Variants in FBN2 observed in about 807,000 individuals in gnomAD.
FBN2 encodes the protein fibrillin-2.
In FBN2, 105 loss-of-function variants were observed where a neutral mutation model predicts 355.6. That is an observed-to-expected ratio of 0.30 (90% CI 0.25 to 0.35). The LOEUF is 0.35. Among genes scored for constraint, FBN2 ranks in the 10% least tolerant of loss-of-function variants. FBN2 has a pLI of 1.00. For missense variants in FBN2, 3,280 were observed against 3,758.7 expected (o/e 0.87, Z 3.33); for synonymous variants, 1,350 against 1,301.2 (o/e 1.04, Z -0.81).
At chr5:128,474,010 C>T (rs1754944179) in intron 5 of FBN2, among the ~76,000 whole-genome samples, 1 of 152,152 alleles carries the variant, frequency 6.6e-6, no homozygotes, top group African/African-American at 2.4e-5. Flanking sequence ...CATCAAAGGG[C>T]ATTTTAAGAA....
chr5:128,267,817 T>A (rs1226904462), intron 62 of FBN2, among the ~76,000 whole-genome samples: 1 of 152,148 alleles, frequency 6.6e-6, no homozygotes, highest in African/African-American at 2.4e-5. Flanking sequence ...AGAAGCTCTT[T>A]AGTTCTTTGA....
At chr5:128,274,098 A>G in intron 60 of FBN2, 130 bp from the exon 61 acceptor site, 3 of 1,008,192 alleles carry the variant, frequency 3.0e-6, no homozygotes, top group Non-Finnish European at 4.6e-6. Context: ...GGGAAAATTT[A>G]TACCAAAATT....
chr5:128,275,439 A>G (rs1765368317), intron 59 of FBN2, among the ~76,000 whole-genome samples: 1 of 104,172 alleles, frequency 9.6e-6, no homozygotes, highest in Admixed American at 1.0e-4. Flanking sequence ...GGTGCTTGCT[A>G]TTATTTTTTT....
chr5:128,450,335 A>G (rs1352907464), intron 6 of FBN2, among the ~76,000 whole-genome samples: 1 of 152,152 alleles, frequency 6.6e-6, no homozygotes, highest in Non-Finnish European at 1.5e-5. Flanking sequence ...AATCCAAAAT[A>G]TGTTCTCCAA....
intron 15 of FBN2, among the ~76,000 whole-genome samples, chr5:128,370,378 A>G (rs1412126855): frequency 6.6e-6 from 1 of 152,168 alleles, no homozygotes; most frequent in African/African-American, 2.4e-5. Context: ...CAAAATGGCC[A>G]TCCAATAATT....
At chr5:128,296,614 T>C (rs1259120013) in intron 48 of FBN2, among the ~76,000 whole-genome samples, 2 of 152,110 alleles carry the variant, frequency 1.3e-5, no homozygotes, top group Non-Finnish European at 2.9e-5. Context: ...GATTTTCTAG[T>C]TTATTTGTGT....
intron 55 of FBN2, among the ~76,000 whole-genome samples, chr5:128,286,403 T>G (rs1266658752): frequency 6.6e-6 from 1 of 152,196 alleles, no homozygotes; most frequent in Non-Finnish European, 1.5e-5. Flanking sequence ...TGAATTAGGG[T>G]TTACCTTTTT....
At chr5:128,323,752 AT>A (rs1300882442) in intron 34 of FBN2, among the ~76,000 whole-genome samples, 19 of 151,926 alleles carry the variant, frequency 1.3e-4, no homozygotes, top group Non-Finnish European at 1.5e-5. Flanking sequence ...TTGAAATTTT[AT>A]TTTTTTGTTG....
At chr5:128,262,870 T>C (rs1445605143) in intron 63 of FBN2, among the ~76,000 whole-genome samples, 2 of 152,198 alleles carry the variant, frequency 1.3e-5, no homozygotes, top group Non-Finnish European at 2.9e-5. Context: ...CCATGGAACT[T>C]GAGACAGTGC....
At chr5:128,264,666 A>G (rs1561737001) in intron 62 of FBN2, among the ~76,000 whole-genome samples, 1 of 152,150 alleles carries the variant, frequency 6.6e-6, no homozygotes, top group Non-Finnish European at 1.5e-5. Flanking sequence ...CATCTGTTCC[A>G]TGGAATTCTT....
intron 5 of FBN2, among the ~76,000 whole-genome samples, chr5:128,479,911 A>C (rs1167954978): frequency 6.9e-6 from 1 of 143,918 alleles, no homozygotes; most frequent in Non-Finnish European, 1.5e-5. Context: ...TGGGCAACAG[A>C]ACAAGACCTT....
chr5:128,340,964 G>T (rs187648115), intron 25 of FBN2, among the ~76,000 whole-genome samples: 1 of 152,284 alleles, frequency 6.6e-6, no homozygotes, highest in South Asian at 2.1e-4. Flanking sequence ...GAGATGAAGC[G>T]CACCGGTGAA....
chr5:128,308,327 T>C (rs752272340), intron 41 of FBN2, among the ~76,000 whole-genome samples: 4 of 152,132 alleles, frequency 2.6e-5, no homozygotes, highest in Non-Finnish European at 5.9e-5. Context: ...ATGTTTCTAT[T>C]TAATTTTATG....
intron 8 of FBN2, among the ~76,000 whole-genome samples, chr5:128,398,836 C>T (rs141316287): frequency 6.6e-6 from 1 of 152,244 alleles, no homozygotes; most frequent in African/African-American, 2.4e-5. Context: ...GTGAATAAGT[C>T]TCAAGAGATC....
At chr5:128,370,172 T>C (rs998621265) in intron 15 of FBN2, among the ~76,000 whole-genome samples, 2 of 152,062 alleles carry the variant, frequency 1.3e-5, no homozygotes, top group Non-Finnish European at 2.9e-5. Context: ...TTAATTCTCA[T>C]AAAATACCCT....
At chr5:128,323,216 G>A (rs895307887) in intron 34 of FBN2, among the ~76,000 whole-genome samples, 1 of 152,172 alleles carries the variant, frequency 6.6e-6, no homozygotes, top group African/African-American at 2.4e-5. Flanking sequence ...GATACAATTT[G>A]ACTTCCTCTT....
intron 33 of FBN2, among the ~76,000 whole-genome samples, chr5:128,330,368 T>G (rs1750661425): frequency 6.6e-6 from 1 of 152,256 alleles, no homozygotes. Flanking sequence ...ATGCCGTTAT[T>G]TGAAAACTTC....
intron 5 of FBN2, among the ~76,000 whole-genome samples, chr5:128,502,953 G>T (rs184348259): frequency 6.6e-6 from 1 of 152,266 alleles, no homozygotes; most frequent in Admixed American, 6.5e-5. Context: ...AACATACCCT[G>T]ACTATTTTTC....
At chr5:128,299,499 G>C (rs2126832178) in intron 48 of FBN2, among the ~76,000 whole-genome samples, 1 of 151,462 alleles carries the variant, frequency 6.6e-6, no homozygotes, top group Non-Finnish European at 1.5e-5. Flanking sequence ...GACCCTCCGA[G>C]CCATGTGCGG....
Sources: gnomAD v4.1 joint callset for allele counts (sites outside exome capture counted in the v4.1 genomes callset) on GRCh38, gnomAD v4.1.1 for gene constraint, MANE v1.5 for transcripts, NCBI Gene and HGNC (gene_info 2026-07-23, HGNC 2026-07-21) for gene names.